DNAH5: variants seen among roughly 807,000 people sequenced by gnomAD.
DNAH5 encodes the protein axonemal beta dynein heavy chain 5.
In DNAH5, 372 loss-of-function variants were observed where a neutral mutation model predicts 518.2. The observed-to-expected ratio is 0.72, with a 90% confidence interval of 0.66 to 0.78. DNAH5 has a LOEUF of 0.78. DNAH5 is among the 30% of genes least tolerant of loss of function. The pLI is 0.00. For synonymous variants in DNAH5, 2,039 were observed against 2,025.9 expected, an observed-to-expected ratio of 1.01 and a Z score of -0.17; for missense variants, 5,523 against 5,687.0, an observed-to-expected ratio of 0.97 and a Z score of 0.93.
At chr5:13,816,567 A>C (rs1761476329) in intron 42 of DNAH5, among the ~76,000 whole-genome samples, 7 of 151,390 alleles carry the variant, frequency 4.6e-5, no homozygotes, top group Admixed American at 4.6e-4. Flanking sequence ...AAAAAAAACA[A>C]AAAAACCTCT....
rs569811987 is a variant in DNAH5 at position 13,930,856 on chromosome 5, T to C, written c.192+254A>G. ...GGCATGAGAGCCCAGCTTCACTGGA[T>C]GTAGAGAGATGCAGACAATGCCATC... On this transcript the variant is annotated intron_variant, in intron 2 of 78. Coordinates refer to ENST00000265104, the MANE Select transcript of DNAH5 (RefSeq NM_001369.3). 1.9e-4 allele frequency among the ~76,000 whole-genome samples: 29 copies of C among 152,294 alleles called. No individual in the cohort carries two copies. The South Asian group carries it at 5.8e-3, about 30-fold the overall frequency.
In DNAH5 at chr5:13,788,704, T is replaced by G; in HGVS notation, c.8647+12A>C. 1 of 1,611,774 alleles carries G rather than the reference T, an allele frequency of 6.2e-7. No homozygotes were observed. The highest frequency in any genetic ancestry group is 8.5e-7 in the Non-Finnish European group (1 of 1,177,910). On this transcript the variant is annotated intron_variant, in intron 51 of 78. Transcript: ENST00000265104. ...CTTTTGGGGAATTCCAAATTCCACT[T>G]CAATAGTTTACCTGCAGCTTCAGGT...
At chr5:14,010,683 A>T (rs1216570163) in intron 1 of DNAH5, among the ~76,000 whole-genome samples, 1 of 152,228 alleles carries the variant, frequency 6.6e-6, no homozygotes, top group Non-Finnish European at 1.5e-5. Flanking sequence ...AAATGAGAAT[A>T]TTAATATGTG....
At chr5:13,706,411 C>T (rs559329931) in intron 76 of DNAH5, among the ~76,000 whole-genome samples, 1 of 152,236 alleles carries the variant, frequency 6.6e-6, no homozygotes, top group East Asian at 1.9e-4. Context: ...GTGGAGTCCC[C>T]CAGACAATGG....
chr5:13,996,911 G>C (rs888902692), intron 1 of DNAH5, among the ~76,000 whole-genome samples: 1 of 152,206 alleles, frequency 6.6e-6, no homozygotes, highest in Non-Finnish European at 1.5e-5. Flanking sequence ...CCACCGTTCT[G>C]CCAGGCATTA....
rs1301955610 is a variant in DNAH5 at position 13,931,153 on chromosome 5, AG to A, written c.148del (p.Leu50Ter). ...GGCATCCTCCACTTCGGTTTTGTTC[AG>A]GTCCAAACAGGAAGCCACAATTGCA... ...LFAIVASCLD[L>X]NKTEVEDAIL... On this transcript the variant is annotated frameshift_variant, in exon 2 of 79. Transcript: ENST00000265104. LOFTEE classifies it high-confidence loss of function. 6.2e-7 allele frequency: 1 copy of A among 1,614,006 alleles called. No individual in the cohort carries two copies. Among genetic ancestry groups the A allele is most frequent in the Non-Finnish European group, 8.5e-7 (1 of 1,179,968 alleles).
At chr5:13,967,533 A>G (rs887074669) in intron 1 of DNAH5, among the ~76,000 whole-genome samples, 1 of 152,190 alleles carries the variant, frequency 6.6e-6, no homozygotes, top group African/African-American at 2.4e-5. Context: ...CCATTGGTCT[A>G]TGTGCCTATT....
chr5:13,701,494 C>G lies in DNAH5; in HGVS notation c.13339-58G>C, dbSNP rs373428491. On this transcript the variant is annotated intron_variant, in intron 76 of 78. Coordinates refer to ENST00000265104, the MANE Select transcript of DNAH5 (RefSeq NM_001369.3). ...GTAAGTTTAATACTGCAGTGTAAAC[C>G]AGCTATGTTCACTGAAAAAAAAAAA... 24 of 1,412,074 alleles carry G rather than the reference C, an allele frequency of 1.7e-5. No individual in the cohort carries two copies. The African/African-American group carries it at 2.5e-4, about 15-fold the overall frequency. The allele number at this position is 1,412,074 out of a possible 1,614,324, so 87.5% of individuals were successfully genotyped here. A position where few individuals can be genotyped will look rare whatever the true frequency, so the allele number is the denominator to read the frequency against.
chr5:13,953,051 A>G (rs571919375), intron 1 of DNAH5, among the ~76,000 whole-genome samples: 33 of 152,370 alleles, frequency 2.2e-4, no homozygotes, highest in South Asian at 2.1e-3. Flanking sequence ...CAAAATTGCT[A>G]TTAATAAAAT....
At position 13,919,867 on chromosome 5, in the gene DNAH5, C is replaced by T. The variant is rs546725610; in HGVS notation, c.799-515G>A. Among the ~76,000 whole-genome samples, 8 of 152,306 alleles carry T rather than the reference C, an allele frequency of 5.3e-5. No homozygotes were observed. In the South Asian group the frequency reaches 1.5e-3, roughly 28 times the overall value. ...AAAACCACAATTACTTTTGCACCAACCTAACAGTTTGAAATATACAGTATA... is the reference window on the plus strand; with the variant it reads ...AAAACCACAATTACTTTTGCACCAATCTAACAGTTTGAAATATACAGTATA... On this transcript the variant is annotated intron_variant, in intron 6 of 78. Transcript: ENST00000265104.
At chr5:13,901,685 T>C (rs1580811147) in intron 13 of DNAH5, 112 bp from the exon 14 acceptor site, 2 of 683,712 alleles carry the variant, frequency 2.9e-6, no homozygotes, top group East Asian at 2.9e-5. Context: ...AAAATGCTAA[T>C]GGAAAAGAAT....
At position 13,885,030 on chromosome 5, in the gene DNAH5, A is replaced by G; in HGVS notation, c.2942T>C (p.Ile981Thr). 2 of 1,614,208 alleles carry G rather than the reference A, an allele frequency of 1.2e-6. No individual in the cohort carries two copies. The highest frequency in any genetic ancestry group is 8.5e-7 in the Non-Finnish European group (1 of 1,180,016). Residue 981 changes from isoleucine (I) to threonine (T), a missense_variant, in exon 19 of 79, where the codon ATT (isoleucine) becomes ACT (threonine). Coordinates refer to ENST00000265104, the MANE Select transcript of DNAH5 (RefSeq NM_001369.3). ...LKVTRNTLEA[I>T]RKRIHSSHTI... ...GTGAGAGGAATGAATACGTTTGCGA[A>G]TGGCCTCTAGTGTATTCCTTGTAAC...
intron 60 of DNAH5, among the ~76,000 whole-genome samples, chr5:13,760,972 T>A (rs1199682897): frequency 6.6e-6 from 1 of 152,216 alleles, no homozygotes; most frequent in African/African-American, 2.4e-5. Flanking sequence ...AAGAGGAACC[T>A]GACAAGCTGA....
chr5:13,893,230 A>G (rs1773500106), intron 16 of DNAH5, among the ~76,000 whole-genome samples: 1 of 152,180 alleles, frequency 6.6e-6, no homozygotes, highest in Admixed American at 6.5e-5. Flanking sequence ...AACAAGAGAG[A>G]GACCTGAGGG....
intron 12 of DNAH5, among the ~76,000 whole-genome samples, chr5:13,909,362 T>C (rs1041796721): frequency 3.3e-5 from 5 of 152,270 alleles, no homozygotes; most frequent in African/African-American, 9.6e-5. Context: ...GTTATGTGAA[T>C]GTGGCCCCTC....
rs139348927 is a variant in DNAH5, at chr5:13,809,162, C to T, written c.7634G>A (p.Arg2545His). The T allele has an allele frequency of 1.5e-5, 25 of 1,613,968 alleles. No individual in the cohort carries two copies. Among genetic ancestry groups the T allele is most frequent in the Non-Finnish European group, 1.8e-5 (21 of 1,180,014 alleles). The change falls in exon 46 of 79, where the codon CGT becomes CAT. Residue 2545 changes from arginine to histidine, a missense_variant. Around this residue, in one of 3 missense-constraint regions of DNAH5, gnomAD observed 5,121 missense variants for 5,223.3 expected, o/e 0.98. Transcript: ENST00000265104. ...PDGTWTHWNT[R>H]TQEYLYPSDT... The stretch of plus-strand genomic sequence containing the variant: ...AGACGGATACAGGTATTCCTGGGTA[C>T]GCGTGTTCCAGTGCGTCCATGTACC...
chr5:13,930,510 A>C (rs1010168864), intron 2 of DNAH5, among the ~76,000 whole-genome samples: 2 of 152,262 alleles, frequency 1.3e-5, no homozygotes, highest in East Asian at 3.9e-4. Flanking sequence ...AGTTTCTTTA[A>C]AAAATCTTCA....
intron 61 of DNAH5, among the ~76,000 whole-genome samples, chr5:13,757,056 G>A (rs763402552): frequency 5.9e-5 from 9 of 152,096 alleles, no homozygotes; most frequent in Non-Finnish European, 1.2e-4. Flanking sequence ...TTATAGCTGC[G>A]TGGTATTCCA....
intron 35 of DNAH5, among the ~76,000 whole-genome samples, chr5:13,838,765 TG>T (rs1347185161): frequency 6.6e-6 from 1 of 152,116 alleles, no homozygotes; most frequent in East Asian, 1.9e-4. Context: ...GTAGAAAAAT[TG>T]TCTTCCACGA....
Sources: gnomAD v4.1 joint callset for allele counts (sites outside exome capture counted in the v4.1 genomes callset) on GRCh38, gnomAD v4.1.1 for gene constraint, gnomAD v4.1.1 regional missense constraint, MANE v1.5 for transcripts, NCBI Gene and HGNC (gene_info 2026-07-23, HGNC 2026-07-21) for gene names.